PCDH15: variants seen among roughly 807,000 people sequenced by gnomAD.
PCDH15 encodes the protein protocadherin related 15, also known as protocadherin-15.
In PCDH15, 129 loss-of-function variants were observed where a neutral mutation model predicts 178.5. The ratio of observed to expected loss-of-function variants is 0.72; its 90% CI spans 0.63 to 0.84. The LOEUF is 0.84. Ranked by LOEUF, PCDH15 falls within the 40% of genes least tolerant of loss-of-function variation. The pLI, the probability that PCDH15 is intolerant of heterozygous loss-of-function variation, is 0.00. For missense variants in PCDH15, 2,230 were observed against 2,099.9 expected, an observed-to-expected ratio of 1.06 and a Z score of -1.21; for synonymous variants, 800 against 732.0, an observed-to-expected ratio of 1.09 and a Z score of -1.50.
intron 1 of PCDH15, among the ~76,000 whole-genome samples, chr10:54,724,062 C>T (rs1942084760): frequency 6.6e-6 from 1 of 151,674 alleles, no homozygotes; most frequent in African/African-American, 2.4e-5. Flanking sequence ...GTAAAGAAAT[C>T]ACTGTAGGAA....
chr10:54,086,302 G>A (rs1336991809), intron 16 of PCDH15, among the ~76,000 whole-genome samples: 2 of 152,022 alleles, frequency 1.3e-5, no homozygotes, highest in Non-Finnish European at 2.9e-5. Flanking sequence ...CATTTGTTGT[G>A]GGAACTAATA....
At chr10:53,821,202 TCCA>T in intron 32 of PCDH15, 1 of 963,314 alleles carries the variant, frequency 1.0e-6, no homozygotes, top group African/African-American at 2.3e-5. Flanking sequence ...ATTTATCAAA[TCCA>T]TAAGCATACT....
intron 15 of PCDH15, among the ~76,000 whole-genome samples, chr10:54,097,336 CT>C (rs1394208740): frequency 1.3e-5 from 2 of 152,222 alleles, no homozygotes; most frequent in East Asian, 3.9e-4. Flanking sequence ...TATTTTTCTT[CT>C]TCCTTAAACA....
intron 2 of PCDH15, among the ~76,000 whole-genome samples, chr10:55,066,485 C>A (rs939833062): frequency 2.0e-5 from 3 of 149,950 alleles, no homozygotes; most frequent in African/African-American, 7.3e-5. Flanking sequence ...TTGTTCCTTT[C>A]TCTCAAAACT....
chr10:55,176,777 A>G (rs1465793604), intron 1 of PCDH15, among the ~76,000 whole-genome samples: 1 of 152,034 alleles, frequency 6.6e-6, no homozygotes, highest in Admixed American at 6.6e-5. Flanking sequence ...GACCTAAAGG[A>G]TGCTTTTTTC....
At chr10:55,221,483 T>G (rs1840872941) in intron 1 of PCDH15, among the ~76,000 whole-genome samples, 1 of 152,150 alleles carries the variant, frequency 6.6e-6, no homozygotes, top group Non-Finnish European at 1.5e-5. Context: ...TTGATATTAT[T>G]GCAATTCAAC....
chr10:54,602,363 A>T (rs1486013413), intron 2 of PCDH15, among the ~76,000 whole-genome samples: 1 of 151,982 alleles, frequency 6.6e-6, no homozygotes, highest in Non-Finnish European at 1.5e-5. Flanking sequence ...AAATTCATGT[A>T]TTAATTGTAG....
At chr10:54,532,650 T>G (rs1326363459) in intron 2 of PCDH15, among the ~76,000 whole-genome samples, 2 of 152,186 alleles carry the variant, frequency 1.3e-5, no homozygotes, top group Non-Finnish European at 2.9e-5. Context: ...AACAACACTC[T>G]GTACATTAAT....
intron 20 of PCDH15, among the ~76,000 whole-genome samples, chr10:54,004,920 C>A (rs1418287396): frequency 1.3e-5 from 2 of 148,176 alleles, no homozygotes; most frequent in Non-Finnish European, 3.0e-5. Context: ...TATTACAGAG[C>A]TATAGTAAAC....
intron 3 of PCDH15, among the ~76,000 whole-genome samples, chr10:54,397,728 G>C (rs1362146663): frequency 6.6e-6 from 1 of 151,920 alleles, no homozygotes; most frequent in Admixed American, 6.6e-5. Context: ...TGGTGATAGA[G>C]TTTTTTCTAG....
chr10:55,209,566 A>G lies in PCDH15; in HGVS notation c.-155-42915T>C, dbSNP rs548815125. On this transcript the variant is annotated intron_variant, in intron 1 of 5. Transcript: ENST00000458638. ...GGTGGGATAAAAACTGTCATAACTT[A>G]GTATTGGTTTGGACATATGAAAATG... Among the ~76,000 whole-genome samples the G allele has an allele frequency of 4.6e-5, 7 of 152,128 alleles. No homozygotes were observed. The South Asian group carries it at 1.2e-3, about 27-fold the overall frequency.
intron 15 of PCDH15, among the ~76,000 whole-genome samples, chr10:54,109,176 G>T (rs1342326220): frequency 1.3e-5 from 2 of 152,086 alleles, no homozygotes; most frequent in Non-Finnish European, 2.9e-5. Flanking sequence ...AACAGTATTT[G>T]AAATTCCTCA....
intron 2 of PCDH15, among the ~76,000 whole-genome samples, chr10:55,565,122 G>T (rs1842275591): frequency 6.6e-6 from 1 of 151,472 alleles, no homozygotes; most frequent in Non-Finnish European, 1.5e-5. Context: ...CATCTCAATA[G>T]GTTTAAAAGA....
chr10:54,362,015 A>C (rs1946123770), intron 5 of PCDH15, among the ~76,000 whole-genome samples: 1 of 152,070 alleles, frequency 6.6e-6, no homozygotes, highest in South Asian at 2.1e-4. Flanking sequence ...CTCATCTGTA[A>C]AATGAAAACA....
At chr10:54,039,688 A>G (rs1228223840) in intron 18 of PCDH15, among the ~76,000 whole-genome samples, 1 of 151,948 alleles carries the variant, frequency 6.6e-6, no homozygotes, top group East Asian at 1.9e-4. Flanking sequence ...TAAACCATCC[A>G]ACATCTGTAC....
intron 2 of PCDH15, among the ~76,000 whole-genome samples, chr10:55,052,085 A>T (rs1425983756): frequency 6.6e-6 from 1 of 151,492 alleles, no homozygotes; most frequent in Non-Finnish European, 1.5e-5. Flanking sequence ...AAAATAATCG[A>T]TACGATTTTT....
intron 3 of PCDH15, among the ~76,000 whole-genome samples, chr10:54,459,162 C>T (rs1242053814): frequency 1.3e-5 from 2 of 151,914 alleles, no homozygotes; most frequent in Non-Finnish European, 2.9e-5. Context: ...TGAGTGTGCC[C>T]TTGATAGAAC....
rs960055690 is a variant in PCDH15, at chr10:54,475,109, T to C, written c.157+52703A>G. Reference sequence around the variant, plus strand: ...AAAGAACAAAATGTTTTATCATACATTTTTCCAAGTATTTTATATAAGTGT... The same window carrying C: ...AAAGAACAAAATGTTTTATCATACACTTTTCCAAGTATTTTATATAAGTGT... On this transcript the variant is annotated intron_variant, in intron 3 of 37. Transcript: ENST00000644397. Among the ~76,000 whole-genome samples, 4 of 151,972 alleles carry C rather than the reference T, an allele frequency of 2.6e-5. No homozygotes were observed. The South Asian group carries it at 6.2e-4, about 24-fold the overall frequency.
At chr10:55,621,444 A>C (rs1209540802) in intron 2 of PCDH15, among the ~76,000 whole-genome samples, 1 of 152,178 alleles carries the variant, frequency 6.6e-6, no homozygotes, top group African/African-American at 2.4e-5. Flanking sequence ...TTACCTGTTC[A>C]TGGCCTGTTA....
Sources: allele counts gnomAD v4.1 joint callset (sites outside exome capture counted in the v4.1 genomes callset), GRCh38; gene constraint gnomAD v4.1.1; transcripts MANE v1.5; gene names NCBI Gene and HGNC (gene_info 2026-07-23, HGNC 2026-07-21).